Variants in ROBO1 observed in about 807,000 individuals in gnomAD.
ROBO1 encodes roundabout homolog 1.
In ROBO1, 149 loss-of-function variants were observed where a neutral mutation model predicts 195.9. That is an observed-to-expected ratio of 0.76 (90% CI 0.67 to 0.87). ROBO1 has a LOEUF of 0.87. Ranked by LOEUF, ROBO1 falls within the 40% of genes least tolerant of loss-of-function variation. ROBO1 has a pLI of 0.00. For missense variants in ROBO1, 1,933 were observed against 2,068.3 expected (o/e 0.93, Z 1.27); for synonymous variants, 816 against 733.2 (o/e 1.11, Z -1.82).
intron 2 of ROBO1, among the ~76,000 whole-genome samples, chr3:79,248,147 C>T (rs906017164): frequency 6.6e-6 from 1 of 151,932 alleles, no homozygotes; most frequent in African/African-American, 2.4e-5. Flanking sequence ...CATCAGCTTC[C>T]AGCTTTATTT....
At chr3:79,586,997 G>A (rs1560017285) in intron 2 of ROBO1, among the ~76,000 whole-genome samples, 2 of 151,846 alleles carry the variant, frequency 1.3e-5, no homozygotes, top group African/African-American at 4.8e-5. Context: ...GGCTCAACAT[G>A]CAATGAAAGC....
intron 2 of ROBO1, among the ~76,000 whole-genome samples, chr3:79,550,960 T>C (rs1942487345): frequency 6.6e-6 from 1 of 152,148 alleles, no homozygotes; most frequent in South Asian, 2.1e-4. Flanking sequence ...GTTACCATCA[T>C]GGGACTGGGT....
At chr3:78,917,057 A>T (rs72904228) in intron 4 of ROBO1, among the ~76,000 whole-genome samples, 1,577 of 151,300 alleles carry the variant, frequency 0.01, 29 homozygotes, top group African/African-American at 0.036. Flanking sequence ...CCACTTAATA[A>T]TGGTTAATGT....
chr3:79,233,839 C>G (rs1184900527), intron 2 of ROBO1, among the ~76,000 whole-genome samples: 1 of 152,112 alleles, frequency 6.6e-6, no homozygotes, highest in African/African-American at 2.4e-5. Flanking sequence ...TCTGCAGCCT[C>G]AACAGCAACT....
chr3:79,625,734 A>G (rs1945157112), intron 1 of ROBO1, among the ~76,000 whole-genome samples: 1 of 152,114 alleles, frequency 6.6e-6, no homozygotes, highest in African/African-American at 2.4e-5. Flanking sequence ...CCAACCAAAA[A>G]AAGACGAGGA....
intron 2 of ROBO1, among the ~76,000 whole-genome samples, chr3:79,360,317 T>A (rs1196538653): frequency 6.6e-6 from 1 of 152,012 alleles, no homozygotes; most frequent in Non-Finnish European, 1.5e-5. Flanking sequence ...GGAAAAGACA[T>A]GAAATCAACT....
chr3:79,311,841 T>A (rs1369700422), intron 2 of ROBO1, among the ~76,000 whole-genome samples: 2 of 152,170 alleles, frequency 1.3e-5, no homozygotes, highest in African/African-American at 4.8e-5. Context: ...GCTAGCCAAC[T>A]GTTATTTATA....
intron 1 of ROBO1, among the ~76,000 whole-genome samples, chr3:79,719,238 T>C (rs954746001): frequency 6.6e-6 from 1 of 152,074 alleles, no homozygotes; most frequent in Non-Finnish European, 1.5e-5. Flanking sequence ...AGAACAGCTA[T>C]CCATGCAAAA....
At chr3:79,403,208 A>C (rs12494298) in intron 2 of ROBO1, among the ~76,000 whole-genome samples, 56,094 of 151,732 alleles carry the variant, frequency 0.37, 10,946 homozygotes, top group Admixed American at 0.5. Context: ...TTTTTGGATT[A>C]TTTTCTTTAT....
intron 3 of ROBO1, among the ~76,000 whole-genome samples, chr3:79,083,325 T>C (rs2079309820): frequency 6.6e-6 from 1 of 152,160 alleles, no homozygotes; most frequent in South Asian, 2.1e-4. Flanking sequence ...GAGGGGAAAA[T>C]ATTAAATATT....
At chr3:79,294,057 CAAA>C (rs71631641) in intron 2 of ROBO1, among the ~76,000 whole-genome samples, 193 of 28,950 alleles carry the variant, frequency 6.7e-3, no homozygotes, top group Middle Eastern at 0.029. Flanking sequence ...GACTCCATCT[CAAA>C]AAAAAAAAAA....
chr3:78,783,148 G>T (rs182915509), intron 4 of ROBO1, among the ~76,000 whole-genome samples: 42 of 152,070 alleles, frequency 2.8e-4, no homozygotes, highest in Non-Finnish European at 5.6e-4. Context: ...TGGATATATT[G>T]CAAGTGGTGA....
intron 4 of ROBO1, among the ~76,000 whole-genome samples, chr3:78,748,317 T>C (rs1474321856): frequency 5.9e-5 from 9 of 152,006 alleles, no homozygotes; most frequent in Non-Finnish European, 1.3e-4. Flanking sequence ...CAGTGATGCA[T>C]GCCTGTAATC....
intron 2 of ROBO1, among the ~76,000 whole-genome samples, chr3:79,340,707 T>C (rs2034873617): frequency 6.6e-6 from 1 of 152,234 alleles, no homozygotes; most frequent in Non-Finnish European, 1.5e-5. Context: ...AAGATTTTTG[T>C]TTGTTTTGTT....
At chr3:79,715,860 C>T (rs757960134) in intron 1 of ROBO1, among the ~76,000 whole-genome samples, 37 of 151,988 alleles carry the variant, frequency 2.4e-4, no homozygotes, top group Non-Finnish European at 4.4e-4. Flanking sequence ...ATATATTTAA[C>T]TTGTCTTCTA....
intron 4 of ROBO1, among the ~76,000 whole-genome samples, chr3:78,924,325 G>A (rs2039097152): frequency 1.3e-5 from 2 of 151,146 alleles, no homozygotes; most frequent in African/African-American, 4.9e-5. Flanking sequence ...AAGAACTAAA[G>A]CAAACTGAAA....
At chr3:79,061,923 T>A (rs1474467870) in intron 3 of ROBO1, among the ~76,000 whole-genome samples, 2 of 152,186 alleles carry the variant, frequency 1.3e-5, no homozygotes, top group Non-Finnish European at 2.9e-5. Flanking sequence ...GCAATACCAT[T>A]CAGGACATAG....
rs185267071 is a variant in ROBO1, at chr3:79,384,723, T to C, written c.88+205101A>G. Among the ~76,000 whole-genome samples, 306 of 152,142 alleles carry C rather than the reference T, an allele frequency of 2.0e-3. 2 individuals carry two copies. The highest frequency in any genetic ancestry group is 3.9e-3 in the Non-Finnish European group (267 of 67,884). On this transcript the variant is annotated intron_variant, in intron 2 of 30. Transcript: ENST00000464233. Reference sequence around the variant, plus strand: ...GTTGCATTACAATCTGTTTATGTTATAGGAAGTTAAACGTATACACACATA... The same window carrying C: ...GTTGCATTACAATCTGTTTATGTTACAGGAAGTTAAACGTATACACACATA...
chr3:78,644,116 G>T (rs2684375), intron 21 of ROBO1, among the ~76,000 whole-genome samples: 55,319 of 151,830 alleles, frequency 0.36, 12,422 homozygotes, highest in Middle Eastern at 0.52. Flanking sequence ...ACTAGATCAC[G>T]AAACATAGAC....
Sources: gnomAD v4.1 joint callset for allele counts (sites outside exome capture counted in the v4.1 genomes callset) on GRCh38, gnomAD v4.1.1 for gene constraint, MANE v1.5 for transcripts, NCBI Gene and HGNC (gene_info 2026-07-23, HGNC 2026-07-21) for gene names.